Variants in HLCS observed in about 807,000 individuals in gnomAD.
HLCS encodes holocarboxylase synthetase.
HLCS carries 53 observed loss-of-function variants against 75.0 expected under a neutral mutation model. The ratio of observed to expected loss-of-function variants is 0.71; its 90% CI spans 0.57 to 0.89. HLCS has a LOEUF of 0.89. Among genes scored for constraint, HLCS ranks in the 40% least tolerant of loss-of-function variants. The pLI is 0.00. For synonymous variants in HLCS, 431 were observed against 428.6 expected (o/e 1.01, Z -0.07); for missense variants, 966 against 1,074.0 (o/e 0.90, Z 1.41).
chr21:36,919,402 G>A (rs756529306), intron 5 of HLCS, among the ~76,000 whole-genome samples: 5 of 152,170 alleles, frequency 3.3e-5, no homozygotes, highest in Admixed American at 1.3e-4. Context: ...CCAATTTAAC[G>A]TTTTTGAGCA....
rs534230436 is a variant in HLCS, at chr21:36,982,318, C to T, written c.-393+7840G>A. Among the ~76,000 whole-genome samples the T allele has an allele frequency of 1.2e-4, 18 of 152,280 alleles. 1 individual carries two copies. The South Asian group carries it at 3.7e-3, about 32-fold the overall frequency. On this transcript the variant is annotated intron_variant, in intron 1 of 11. Transcript: ENST00000336648. ...AATAATATTGTTCTGAACATCCACT[C>T]GTCTCCTGGAGCCCCTGGGCAAGCA...
intron 6 of HLCS, among the ~76,000 whole-genome samples, chr21:36,850,926 C>A (rs1235197868): frequency 6.6e-6 from 1 of 152,132 alleles, no homozygotes; most frequent in Non-Finnish European, 1.5e-5. Context: ...TTCGAGGACA[C>A]TACCCCTGCT....
chr21:36,846,217 T>C (rs1316936176), intron 6 of HLCS, among the ~76,000 whole-genome samples: 1 of 152,206 alleles, frequency 6.6e-6, no homozygotes, highest in Non-Finnish European at 1.5e-5. Flanking sequence ...GTAAAGTTGG[T>C]ACATAGTAGG....
At position 36,750,131 on chromosome 21, in the gene HLCS, C is replaced by T. The variant is rs1419127915; in HGVS notation, c.*4115G>A. On this transcript the variant is annotated 3_prime_UTR_variant, in exon 11 of 11. Coordinates refer to ENST00000674895, the MANE Select transcript of HLCS (RefSeq NM_001352514.2). ...TGTGACCTCCATCTTGAAGAGTCTGCACATTTAAGCTGGGGATAGCGTTTC... is the reference window on the plus strand; with the variant it reads ...TGTGACCTCCATCTTGAAGAGTCTGTACATTTAAGCTGGGGATAGCGTTTC... 6.6e-6 allele frequency among the ~76,000 whole-genome samples: 1 copy of T among 152,188 alleles called. No homozygotes were observed. Among genetic ancestry groups the T allele is most frequent in the Non-Finnish European group, 1.5e-5 (1 of 68,042 alleles).
intron 6 of HLCS, among the ~76,000 whole-genome samples, chr21:36,864,506 A>G (rs1400250098): frequency 6.6e-6 from 1 of 152,202 alleles, no homozygotes; most frequent in Admixed American, 6.5e-5. Flanking sequence ...AATCCTGCTT[A>G]AAAGTCTTAC....
intron 6 of HLCS, among the ~76,000 whole-genome samples, chr21:36,854,892 A>C (rs2835501): frequency 0.27 from 41,683 of 152,054 alleles, 6,780 homozygotes; most frequent in African/African-American, 0.45. Context: ...GTACACAGCA[A>C]GTACTTTCTG....
At chr21:36,785,722 AG>A (rs1423175206) in intron 6 of HLCS, among the ~76,000 whole-genome samples, 1 of 152,238 alleles carries the variant, frequency 6.6e-6, no homozygotes, top group Non-Finnish European at 1.5e-5. Context: ...TAAGTATTAT[AG>A]AAGTGGAGGC....
chr21:36,886,303 G>C (rs2064455822), intron 6 of HLCS, among the ~76,000 whole-genome samples: 1 of 151,874 alleles, frequency 6.6e-6, no homozygotes, highest in Admixed American at 6.6e-5. Flanking sequence ...CGTGGTAGCA[G>C]GTGTCTGTAG....
intron 5 of HLCS, among the ~76,000 whole-genome samples, chr21:36,908,419 T>A (rs2065556142): frequency 6.6e-6 from 1 of 151,956 alleles, no homozygotes; most frequent in Non-Finnish European, 1.5e-5. Flanking sequence ...ATCTGACACT[T>A]TACAATGGTT....
At chr21:36,774,171 A>G (rs2060289465) in intron 6 of HLCS, among the ~76,000 whole-genome samples, 1 of 152,172 alleles carries the variant, frequency 6.6e-6, no homozygotes, top group Admixed American at 6.5e-5. Flanking sequence ...CTGACAGGTG[A>G]CTTCTGAACT....
chr21:36,855,306 G>A (rs1197561497), intron 6 of HLCS, among the ~76,000 whole-genome samples: 1 of 151,914 alleles, frequency 6.6e-6, no homozygotes, highest in African/African-American at 2.4e-5. Flanking sequence ...CAAAGCGGGT[G>A]GATTGCCTGA....
chr21:36,883,186 G>C (rs1255026832), intron 6 of HLCS, among the ~76,000 whole-genome samples: 1 of 152,168 alleles, frequency 6.6e-6, no homozygotes, highest in Non-Finnish European at 1.5e-5. Flanking sequence ...TTGCCAAATG[G>C]TAGGTGTGTA....
At chr21:36,901,020 G>C (rs544359478) in intron 5 of HLCS, among the ~76,000 whole-genome samples, 10 of 152,248 alleles carry the variant, frequency 6.6e-5, no homozygotes, top group South Asian at 2.1e-4. Flanking sequence ...CAGCACTTTG[G>C]GAGGCCCAGG....
At chr21:36,770,606 G>T in intron 6 of HLCS, among the ~76,000 whole-genome samples, 1 of 150,272 alleles carries the variant, frequency 6.7e-6, no homozygotes, top group African/African-American at 2.4e-5. Flanking sequence ...GTTTGAGATG[G>T]GGTCTTATTC....
intron 6 of HLCS, among the ~76,000 whole-genome samples, chr21:36,873,251 G>A (rs1214650695): frequency 6.6e-6 from 1 of 152,104 alleles, no homozygotes; most frequent in African/African-American, 2.4e-5. Context: ...CCCAGTAGCT[G>A]GGACTACAGG....
intron 2 of HLCS, 92 bp from the exon 3 acceptor site, chr21:36,939,086 G>T: frequency 8.7e-7 from 1 of 1,145,068 alleles, no homozygotes; most frequent in Non-Finnish European, 1.2e-6. Flanking sequence ...TTCCCTTGAG[G>T]CTCCTACCAC....
At chr21:36,954,038 G>A (rs1569241981) in intron 2 of HLCS, among the ~76,000 whole-genome samples, 1 of 152,312 alleles carries the variant, frequency 6.6e-6, no homozygotes, top group Non-Finnish European at 1.5e-5. Flanking sequence ...AGACGCAGTG[G>A]CTGATGCCTG....
intron 6 of HLCS, among the ~76,000 whole-genome samples, chr21:36,872,896 C>G (rs2063820901): frequency 6.6e-6 from 1 of 152,062 alleles, no homozygotes; most frequent in Non-Finnish European, 1.5e-5. Context: ...AAAAATTGCT[C>G]CACTATTTTT....
rs551213545 is a variant in HLCS, at chr21:36,805,410, C to T, written c.1893-38125G>A. Reference sequence around the variant, plus strand: ...GGAGTCCCGGGCCCGGCTCCGGGCGCTGTGTTTACAGGCAGGGCGGCAGGA... The same window carrying T: ...GGAGTCCCGGGCCCGGCTCCGGGCGTTGTGTTTACAGGCAGGGCGGCAGGA... On this transcript the variant is annotated intron_variant, in intron 6 of 10. Transcript: ENST00000674895. Among the ~76,000 whole-genome samples, 16 of 152,308 alleles carry T rather than the reference C, an allele frequency of 1.1e-4. No individual in the cohort carries two copies. The South Asian group carries it at 1.9e-3, about 18-fold the overall frequency.
Sources: gnomAD v4.1 joint callset for allele counts (sites outside exome capture counted in the v4.1 genomes callset) on GRCh38, gnomAD v4.1.1 for gene constraint, MANE v1.5 for transcripts, NCBI Gene and HGNC (gene_info 2026-07-23, HGNC 2026-07-21) for gene names.